ECM2: variants seen among roughly 807,000 people sequenced by gnomAD.
The protein encoded by ECM2 is extracellular matrix protein 2.
In ECM2, 57 loss-of-function variants were observed where a neutral mutation model predicts 67.5. That is an observed-to-expected ratio of 0.84 (90% CI 0.68 to 1.05). The LOEUF is 1.05. Ranked by LOEUF, ECM2 falls within the 50% of genes least tolerant of loss-of-function variation. The probability of loss-of-function intolerance (pLI) is 0.00; values close to 1 mark genes in which losing one functional copy is unlikely to be tolerated. For synonymous variants in ECM2, 258 were observed against 294.5 expected (o/e 0.88, Z 1.27); for missense variants, 741 against 822.8 (o/e 0.90, Z 1.22).
intron 1 of ECM2, among the ~76,000 whole-genome samples, chr9:92,531,282 G>A (rs564101574): frequency 6.6e-6 from 1 of 150,518 alleles, no homozygotes; most frequent in Non-Finnish European, 1.5e-5. Context: ...TCTTTTCTTT[G>A]TAGAGATTAC....
the ECM2 span, among the ~76,000 whole-genome samples, chr9:92,555,214 A>ATTTTTTTTTTTTTTT: frequency 3.2e-5 from 2 of 63,440 alleles, no homozygotes; most frequent in Non-Finnish European, 5.3e-5. Flanking sequence ...TTTTTTGGAA[A>ATTTTTTTTTTTTTTT]TTTTTTTTTT....
chr9:92,522,237 C>A (rs999532761), intron 2 of ECM2, among the ~76,000 whole-genome samples: 1 of 151,998 alleles, frequency 6.6e-6, no homozygotes, highest in African/African-American at 2.4e-5. Context: ...CAGGTACATG[C>A]CACCACACCC....
chr9:92,496,952 A>C (rs1846381145), intron 9 of ECM2, among the ~76,000 whole-genome samples: 1 of 152,098 alleles, frequency 6.6e-6, no homozygotes, highest in Non-Finnish European at 1.5e-5. Flanking sequence ...AAAAAAAAAA[A>C]AAATCCAGAA....
Position 92,514,618 on chromosome 9 carries a change from C to A in ECM2, c.1054+13G>T. 1 of 1,549,730 alleles carries A rather than the reference C, an allele frequency of 6.5e-7. No individual in the cohort carries two copies. The highest frequency in any genetic ancestry group is 1.2e-5 in the South Asian group (1 of 81,074). On this transcript the variant is annotated intron_variant, in intron 4 of 9. Coordinates refer to ENST00000344604, the MANE Select transcript of ECM2 (RefSeq NM_001393.4). ...TTAAAGCACAAAATAAAGCAGAAGT[C>A]AACATCTCTTACCAGTGAGCTCCAG...
upstream of ECM2, among the ~76,000 whole-genome samples, chr9:92,538,649 T>G (rs1849245630): frequency 6.6e-6 from 1 of 152,144 alleles, no homozygotes; most frequent in Non-Finnish European, 1.5e-5. Context: ...GTTACATGAG[T>G]CCTTTTGCAG....
At chr9:92,522,519 A>T (rs964616545) in intron 2 of ECM2, 56 bp downstream of exon 2, 39 of 1,464,656 alleles carry the variant, frequency 2.7e-5, no homozygotes, top group Non-Finnish European at 3.5e-5. Context: ...CTCTTTCCCC[A>T]TACCATCTCT....
At chr9:92,555,214 A>AT in the ECM2 span, among the ~76,000 whole-genome samples, 8,362 of 63,176 alleles carry the variant, frequency 0.13, 1,303 homozygotes, top group East Asian at 0.43. Flanking sequence ...TTTTTTGGAA[A>AT]TTTTTTTTTT....
chr9:92,524,869 A>T (rs1017527906), intron 1 of ECM2, among the ~76,000 whole-genome samples: 5 of 152,222 alleles, frequency 3.3e-5, no homozygotes, highest in African/African-American at 1.2e-4. Flanking sequence ...GCCAACCAGA[A>T]CAAATCTATG....
chr9:92,558,045 G>T, the ECM2 span, among the ~76,000 whole-genome samples: 17 of 152,128 alleles, frequency 1.1e-4, no homozygotes, highest in East Asian at 3.1e-3. Context: ...TTCACTTCTT[G>T]TATCATTTTT....
In ECM2 at chr9:92,523,013, A is replaced by G; in HGVS notation, c.-27-120T>C. The G allele has an allele frequency of 3.3e-6, 3 of 914,062 alleles. No individual in the cohort carries two copies. In the South Asian group the frequency reaches 5.4e-5, roughly 16 times the overall value. 56.6% of individuals were successfully genotyped at this position (914,062 alleles called of 1,614,324 possible). ...CTTTGAGAAATTACACTTATGATAT[A>G]TGGACTATATGCTATAGTATTATTG... On this transcript the variant is annotated intron_variant, in intron 1 of 9. Coordinates refer to ENST00000344604, the MANE Select transcript of ECM2 (RefSeq NM_001393.4).
chr9:92,526,777 T>TA (rs556343494), intron 1 of ECM2, among the ~76,000 whole-genome samples: 61 of 152,112 alleles, frequency 4.0e-4, no homozygotes, highest in Middle Eastern at 3.4e-3. Flanking sequence ...ATTGAAGAAA[T>TA]AAAAAAACTT....
At chr9:92,550,832 A>T in the ECM2 span, among the ~76,000 whole-genome samples, 1 of 152,180 alleles carries the variant, frequency 6.6e-6, no homozygotes, top group Admixed American at 6.5e-5. Context: ...CTCAGGATTC[A>T]CTGACACCAA....
At chr9:92,522,923 G>A (rs1848168132) in intron 1 of ECM2, 30 bp from the exon 2 acceptor site, 1 of 1,518,094 alleles carries the variant, frequency 6.6e-7, no homozygotes, top group East Asian at 2.3e-5. Flanking sequence ...CAAAGTTAGT[G>A]GTGACTAAAT....
chr9:92,532,016 T>TTTTTTG (rs1563990176), intron 1 of ECM2, among the ~76,000 whole-genome samples: 3 of 105,746 alleles, frequency 2.8e-5, no homozygotes, highest in African/African-American at 1.1e-4. Context: ...TTATTTAATG[T>TTTTTTG]TTTTTTTTTT....
intron 4 of ECM2, 45 bp from the exon 5 acceptor site, chr9:92,512,171 T>G: frequency 7.4e-7 from 1 of 1,352,728 alleles, no homozygotes; most frequent in Non-Finnish European, 1.1e-6. Flanking sequence ...TGCATATACA[T>G]ACATGTACAC....
the ECM2 span, among the ~76,000 whole-genome samples, chr9:92,542,701 G>A: frequency 6.6e-6 from 1 of 152,130 alleles, no homozygotes; most frequent in Admixed American, 6.5e-5. Context: ...TATTTTAGTA[G>A]AGACAAGGTT....
chr9:92,505,231 G>A (rs1192805004), intron 7 of ECM2, among the ~76,000 whole-genome samples: 1 of 152,176 alleles, frequency 6.6e-6, no homozygotes, highest in African/African-American at 2.4e-5. Flanking sequence ...TGTCTTGAGA[G>A]TCAGAGTACC....
At chr9:92,546,398 C>G in the ECM2 span, among the ~76,000 whole-genome samples, 1 of 152,188 alleles carries the variant, frequency 6.6e-6, no homozygotes, top group African/African-American at 2.4e-5. Flanking sequence ...GCTGCTCACT[C>G]TTTGGGTCCA....
In ECM2 at chr9:92,514,970, G is replaced by A. The variant is rs367636482; in HGVS notation, c.715C>T (p.Leu239Phe). 3 of 1,613,868 alleles carry A rather than the reference G, an allele frequency of 1.9e-6. No individual in the cohort carries two copies. Among genetic ancestry groups the A allele is most frequent in the Non-Finnish European group, 1.7e-6 (2 of 1,180,000 alleles). The change falls in exon 4 of 10, where the codon CTT becomes TTT. Residue 239 changes from leucine (L) to phenylalanine (F), a missense_variant. Physicochemically the swap from Leu to Phe is conservative, Grantham distance 22. Coordinates refer to ENST00000344604, the MANE Select transcript of ECM2 (RefSeq NM_001393.4). ...CCTCTGCTGTCCCCCTCACTGTAAA[G>A]TTGCCCCTGATTTCTAGATTCAGGG... Reference protein sequence around the residue: ...ETPESRNQGQLYSEGDSRGGD... With the variant: ...ETPESRNQGQFYSEGDSRGGD...
Sources: gnomAD v4.1 joint callset for allele counts (sites outside exome capture counted in the v4.1 genomes callset) on GRCh38, gnomAD v4.1.1 for gene constraint, MANE v1.5 for transcripts, NCBI Gene and HGNC (gene_info 2026-07-23, HGNC 2026-07-21) for gene names.